Variants in ZCCHC7 observed in about 807,000 individuals in gnomAD.
ZCCHC7 encodes the protein zinc finger CCHC domain-containing protein 7.
ZCCHC7 carries 35 observed loss-of-function variants against 52.0 expected under a neutral mutation model. The ratio of observed to expected loss-of-function variants is 0.67; its 90% CI spans 0.51 to 0.89. The LOEUF is 0.89. Among genes scored for constraint, ZCCHC7 ranks in the 40% least tolerant of loss-of-function variants. The pLI, the probability that ZCCHC7 is intolerant of heterozygous loss-of-function variation, is 0.00. For missense variants in ZCCHC7, 574 were observed against 649.1 expected (o/e 0.88, Z 1.26); for synonymous variants, 217 against 221.5 (o/e 0.98, Z 0.18).
At chr9:37,278,632 T>C (rs1263762413) in intron 2 of ZCCHC7, among the ~76,000 whole-genome samples, 1 of 152,174 alleles carries the variant, frequency 6.6e-6, no homozygotes. Context: ...GATGTAATTG[T>C]ACATATTGAA....
At chr9:37,122,587 A>G (rs1368845027) in intron 1 of ZCCHC7, among the ~76,000 whole-genome samples, 2 of 152,224 alleles carry the variant, frequency 1.3e-5, no homozygotes, top group East Asian at 3.8e-4. Context: ...CAATGCAAAT[A>G]TTGCAATGAA....
intron 2 of ZCCHC7, among the ~76,000 whole-genome samples, chr9:37,199,904 C>T (rs889416787): frequency 5.9e-4 from 90 of 151,586 alleles, no homozygotes; most frequent in Non-Finnish European, 2.1e-4. Flanking sequence ...CGGGGTTTCA[C>T]GGTGTTGGCC....
At chr9:37,176,012 A>G (rs1305786029) in intron 2 of ZCCHC7, among the ~76,000 whole-genome samples, 1 of 152,106 alleles carries the variant, frequency 6.6e-6, no homozygotes, top group Non-Finnish European at 1.5e-5. Context: ...GAATATGGCA[A>G]TTTCATATGC....
chr9:37,287,337 A>G (rs1828302910), intron 2 of ZCCHC7, among the ~76,000 whole-genome samples: 2 of 152,222 alleles, frequency 1.3e-5, no homozygotes, highest in Admixed American at 6.5e-5. Flanking sequence ...TATACAGTCA[A>G]CTAGGATGAG....
chr9:37,192,300 CAG>C, intron 2 of ZCCHC7, among the ~76,000 whole-genome samples: 1 of 152,314 alleles, frequency 6.6e-6, no homozygotes, highest in East Asian at 1.9e-4. Context: ...TTGTTATTGT[CAG>C]AGAATCCTGA....
chr9:37,342,123 C>T (rs1231837635), intron 6 of ZCCHC7, among the ~76,000 whole-genome samples: 17 of 151,976 alleles, frequency 1.1e-4, no homozygotes, highest in Admixed American at 5.9e-4. Flanking sequence ...ATCATCCAAA[C>T]GAGAGTTGAG....
At chr9:37,170,126 G>A (rs1379170064) in intron 2 of ZCCHC7, among the ~76,000 whole-genome samples, 4 of 151,418 alleles carry the variant, frequency 2.6e-5, no homozygotes, top group Admixed American at 1.3e-4. Flanking sequence ...TTTAAAACAA[G>A]TTTGTTCTTT....
intron 2 of ZCCHC7, among the ~76,000 whole-genome samples, chr9:37,152,853 C>T (rs946644889): frequency 6.6e-6 from 1 of 152,148 alleles, no homozygotes; most frequent in African/African-American, 2.4e-5. Flanking sequence ...ATACACAGCC[C>T]ATACTTAAGG....
chr9:37,259,312 A>G (rs1826750232), intron 2 of ZCCHC7, among the ~76,000 whole-genome samples: 2 of 152,232 alleles, frequency 1.3e-5, no homozygotes, highest in African/African-American at 4.8e-5. Context: ...ATGCTTTTAT[A>G]AAAGATAGTA....
chr9:37,137,076 C>T (rs1287098025), intron 2 of ZCCHC7, among the ~76,000 whole-genome samples: 5 of 152,186 alleles, frequency 3.3e-5, no homozygotes, highest in African/African-American at 4.8e-5. Context: ...GTGCTGACAA[C>T]GTACAAGCCA....
intron 2 of ZCCHC7, among the ~76,000 whole-genome samples, chr9:37,254,619 T>TA (rs1416577014): frequency 6.6e-6 from 1 of 151,976 alleles, no homozygotes; most frequent in African/African-American, 2.4e-5. Context: ...TACTTATCTA[T>TA]AAAAAGGTGA....
Position 37,356,830 on chromosome 9 carries a change from T to C in ZCCHC7, c.1199-5T>C. ...AATATGCAAAAATACTTTTATATTT[T>C]TCAGTACTCAAGAAAAATGGGGTTA... On this transcript the variant is annotated splice_polypyrimidine_tract_variant and splice_region_variant and intron_variant, in intron 8 of 8. Coordinates refer to ENST00000336755, the MANE Select transcript of ZCCHC7 (RefSeq NM_032226.3). 6.3e-7 allele frequency: 1 copy of C among 1,575,760 alleles called. No individual in the cohort carries two copies. Among genetic ancestry groups the C allele is most frequent in the South Asian group, 1.2e-5 (1 of 83,686 alleles).
chr9:37,341,714 G>GA (rs1306087451), intron 6 of ZCCHC7, among the ~76,000 whole-genome samples: 1 of 152,064 alleles, frequency 6.6e-6, no homozygotes, highest in Non-Finnish European at 1.5e-5. Context: ...GGGTGCTCAG[G>GA]AAGGCCTTAC....
chr9:37,191,883 A>G (rs893391188), intron 2 of ZCCHC7, among the ~76,000 whole-genome samples: 4 of 152,230 alleles, frequency 2.6e-5, no homozygotes, highest in Non-Finnish European at 5.9e-5. Context: ...AAATTGCTCC[A>G]TCTTGTGAAA....
chr9:37,178,409 CAAAAAA>C (rs34269738), intron 2 of ZCCHC7, among the ~76,000 whole-genome samples: 7 of 77,834 alleles, frequency 9.0e-5, no homozygotes, highest in African/African-American at 2.7e-4. Context: ...TACCCCCCAC[CAAAAAA>C]AAAAAAAAAG....
At position 37,320,767 on chromosome 9, in the gene ZCCHC7, C is replaced by G. The variant is rs78113284; in HGVS notation, c.952-7032C>G. On this transcript the variant is annotated intron_variant, in intron 5 of 8. Transcript: ENST00000336755. ...TGATTATTTGTGTATCTGACATAAG[C>G]TGGATGCTATCAACATCTTGGGAGA... Among the ~76,000 whole-genome samples the G allele has an allele frequency of 3.6e-3, 542 of 152,228 alleles. 1 individual carries two copies. The highest frequency in any genetic ancestry group is 5.8e-3 in the Admixed American group (89 of 15,296).
chr9:37,309,225 G>A (rs1829481493), intron 5 of ZCCHC7, among the ~76,000 whole-genome samples: 1 of 152,092 alleles, frequency 6.6e-6, no homozygotes, highest in Non-Finnish European at 1.5e-5. Context: ...GACTCCTTGT[G>A]GCAAGGCTCA....
intron 2 of ZCCHC7, among the ~76,000 whole-genome samples, chr9:37,167,784 C>T (rs1221204593): frequency 6.6e-6 from 1 of 152,188 alleles, no homozygotes; most frequent in Non-Finnish European, 1.5e-5. Context: ...AATCCTACTA[C>T]ACAACCCTTC....
intron 5 of ZCCHC7, among the ~76,000 whole-genome samples, chr9:37,307,998 TAAGAG>T (rs1301927467): frequency 2.0e-5 from 3 of 152,184 alleles, no homozygotes; most frequent in African/African-American, 7.2e-5. Context: ...CCAGCAGTGT[TAAGAG>T]AAATGAGCAC....
Sources: gnomAD v4.1 joint callset for allele counts (sites outside exome capture counted in the v4.1 genomes callset) on GRCh38, gnomAD v4.1.1 for gene constraint, MANE v1.5 for transcripts, NCBI Gene and HGNC (gene_info 2026-07-23, HGNC 2026-07-21) for gene names.